PCYOX1: variants seen among roughly 807,000 people sequenced by gnomAD.
The protein encoded by PCYOX1 is prenylcysteine oxidase 1.
PCYOX1 carries 46 observed loss-of-function variants against 46.4 expected under a neutral mutation model. That is an observed-to-expected ratio of 0.99 (90% confidence interval 0.78 to 1.27). The LOEUF (loss-of-function observed/expected upper bound fraction) is 1.27, where lower values mean the gene tolerates loss of function less well. Among genes scored for constraint, PCYOX1 ranks in the 50% most tolerant of loss-of-function variants. The pLI, the probability that PCYOX1 is intolerant of heterozygous loss-of-function variation, is 0.00. For synonymous variants in PCYOX1, 220 were observed against 231.8 expected, an observed-to-expected ratio of 0.95 and a Z score of 0.46; for missense variants, 658 against 628.3, an observed-to-expected ratio of 1.05 and a Z score of -0.51.
chr2:70,258,264 C>A lies in PCYOX1; in HGVS notation c.100C>A (p.Pro34Thr). The A allele has an allele frequency of 6.3e-7, 1 of 1,587,354 alleles. No individual in the cohort carries two copies. The change falls in exon 1 of 6, where the codon CCA (proline) becomes ACA (threonine). Residue 34 changes from proline (P) to threonine (T), a missense_variant. Pro to Thr is a conservative substitution (Grantham distance 38, BLOSUM62 -1). Coordinates refer to ENST00000433351, the MANE Select transcript of PCYOX1 (RefSeq NM_016297.4). Reference protein sequence around the residue: ...CPEGAELRAPPDKIAIIGAGI... With the variant: ...CPEGAELRAPTDKIAIIGAGI... ...CGAGGGCGCCGAGCTGCGTGCTCCGCCAGATAAAATCGGTAGGCGAGAAGG... is the reference window on the plus strand; with the variant it reads ...CGAGGGCGCCGAGCTGCGTGCTCCGACAGATAAAATCGGTAGGCGAGAAGG...
rs376545059 is a variant in PCYOX1, at chr2:70,258,293, C to A, written c.112+17C>A. 245 of 1,537,506 alleles carry A rather than the reference C, an allele frequency of 1.6e-4. No individual in the cohort carries two copies. The highest frequency in any genetic ancestry group is 4.0e-4 in the Admixed American group (22 of 55,366). On this transcript the variant is annotated intron_variant, in intron 1 of 5. Coordinates refer to ENST00000433351, the MANE Select transcript of PCYOX1 (RefSeq NM_016297.4). ...ATAAAATCGGTAGGCGAGAAGGGGG[C>A]GGCGCGGGAAGGTGCTGGAGCGCGC... is the stretch of plus-strand genomic sequence containing the variant.
In PCYOX1 at chr2:70,279,314, ATTC is replaced by A. The variant is rs1374834050; in HGVS notation, c.*1925_*1927del. 1 of 152,190 alleles carries A rather than the reference ATTC, an allele frequency of 6.6e-6. No individual in the cohort carries two copies. Among genetic ancestry groups the A allele is most frequent in the Non-Finnish European group, 1.5e-5 (1 of 68,020 alleles). 9.4% of individuals were successfully genotyped at this position (152,190 alleles called of 1,614,324 possible). The stretch of plus-strand genomic sequence containing the variant: ...CAAAAGAGTGTTTTTTTCTAGTTTT[ATTC>A]TTAACAGATATGTTGAGGTATTCAT... On this transcript the variant is annotated 3_prime_UTR_variant, in exon 6 of 6. Coordinates refer to ENST00000433351, the MANE Select transcript of PCYOX1 (RefSeq NM_016297.4).
Position 70,277,611 on chromosome 2 carries a change from C to G in PCYOX1, c.*219C>G. On this transcript the variant is annotated 3_prime_UTR_variant, in exon 6 of 6. Transcript: ENST00000433351. ...CTCCAAAATTTCTTAAGTATTCTTTCACTATCCATTAGGAGTTTTTCTTAA... is the reference window on the plus strand; with the variant it reads ...CTCCAAAATTTCTTAAGTATTCTTTGACTATCCATTAGGAGTTTTTCTTAA... 2 of 465,968 alleles carry G rather than the reference C, an allele frequency of 4.3e-6. No homozygotes were observed. Among genetic ancestry groups the G allele is most frequent in the South Asian group, 3.8e-5 (1 of 26,242 alleles). 28.9% of individuals were successfully genotyped at this position (465,968 alleles called of 1,614,324 possible). A position where few individuals can be genotyped will look rare whatever the true frequency, so the allele number is the denominator to read the frequency against.
chr2:70,258,098 C>G (rs1573974803), upstream of PCYOX1: 1 of 1,313,906 alleles, frequency 7.6e-7, no homozygotes, highest in Admixed American at 2.2e-5. Flanking sequence ...CTGGGCGGAG[C>G]GCGCAGCCGC....
At chr2:70,262,924 T>A (rs1696461837) in intron 3 of PCYOX1, among the ~76,000 whole-genome samples, 1 of 152,068 alleles carries the variant, frequency 6.6e-6, no homozygotes, top group African/African-American at 2.4e-5. Context: ...TGACCAGGTA[T>A]TGAACAGGAC....
At position 70,275,604 on chromosome 2, in the gene PCYOX1, A is replaced by G. The variant is rs779617766; in HGVS notation, c.797A>G (p.Lys266Arg). The G allele has an allele frequency of 8.1e-6, 13 of 1,613,968 alleles. No homozygotes were observed. The highest frequency in any genetic ancestry group is 3.3e-4 in the Middle Eastern group (2 of 6,084). The change falls in exon 5 of 6, where the codon AAA becomes AGA. Residue 266 changes from lysine (K) to arginine (R), a missense_variant. Physicochemically the swap from Lys to Arg is conservative, Grantham distance 26 (BLOSUM62 2). Coordinates refer to ENST00000433351, the MANE Select transcript of PCYOX1 (RefSeq NM_016297.4). ...LVCSGLLQAS[K>R]SNLISGSVMY... The stretch of plus-strand genomic sequence containing the variant: ...TGCTCAGGGCTTCTGCAGGCATCCA[A>G]AAGCAATCTTATATCTGGCTCAGTA...
intron 5 of PCYOX1, among the ~76,000 whole-genome samples, chr2:70,276,174 ATCT>A (rs1310946608): frequency 2.5e-4 from 38 of 150,248 alleles, no homozygotes; most frequent in African/African-American, 9.0e-4. Context: ...TTGAAAAATA[ATCT>A]TTTTTTTTTT....
chr2:70,275,760 T>TA, intron 5 of PCYOX1, 94 bp downstream of exon 5: 1 of 1,183,998 alleles, frequency 8.4e-7, no homozygotes, highest in Non-Finnish European at 1.2e-6. Flanking sequence ...TACTCAGTTC[T>TA]AAAATGATGA....
At chr2:70,266,776 T>C (rs1696529159) in intron 3 of PCYOX1, among the ~76,000 whole-genome samples, 1 of 152,030 alleles carries the variant, frequency 6.6e-6, no homozygotes, top group Non-Finnish European at 1.5e-5. Flanking sequence ...GAGCATGGGG[T>C]TGGGGGTAAG....
At chr2:70,261,932 AG>A (rs1346929950) in intron 3 of PCYOX1, among the ~76,000 whole-genome samples, 1 of 152,216 alleles carries the variant, frequency 6.6e-6, no homozygotes, top group Non-Finnish European at 1.5e-5. Flanking sequence ...AGCAGCCTGA[AG>A]TAGAGTAAAA....
intron 4 of PCYOX1, 139 bp from the exon 5 acceptor site, chr2:70,275,375 G>T: frequency 1.1e-6 from 1 of 902,276 alleles, no homozygotes; most frequent in Non-Finnish European, 1.7e-6. Context: ...ATTCTTAACT[G>T]GGGGAGATTT....
In PCYOX1 at chr2:70,279,145, A is replaced by G. The variant is rs1346819051; in HGVS notation, c.*1753A>G. On this transcript the variant is annotated 3_prime_UTR_variant, in exon 6 of 6. Transcript: ENST00000433351. ...AAACTTCAAAGTCCTTCATCAGATC[A>G]TGGCATTAGCTACTTTAGCAAAATA... 2 of 152,156 alleles carry G rather than the reference A, an allele frequency of 1.3e-5. No individual in the cohort carries two copies. Among genetic ancestry groups the G allele is most frequent in the African/African-American group, 4.8e-5 (2 of 41,446 alleles). The allele number at this position is 152,156 out of a possible 1,614,324, so 9.4% of individuals were successfully genotyped here. A position where few individuals can be genotyped will look rare whatever the true frequency, so the allele number is the denominator to read the frequency against.
At chr2:70,275,462 G>C in intron 4 of PCYOX1, 52 bp from the exon 5 acceptor site, 1 of 1,566,868 alleles carries the variant, frequency 6.4e-7, no homozygotes, top group South Asian at 1.1e-5. Context: ...AGTGGGTAGA[G>C]AGCCTCTTAC....
chr2:70,268,660 G>T (rs1696561124), intron 3 of PCYOX1, among the ~76,000 whole-genome samples: 1 of 151,944 alleles, frequency 6.6e-6, no homozygotes, highest in African/African-American at 2.4e-5. Flanking sequence ...TTAGCTGGGC[G>T]TGGTGGTGCA....
rs1696646043 is a variant in PCYOX1 at position 70,274,739 on chromosome 2, T to C, written c.495-220T>C. Reference sequence around the variant, plus strand: ...CCACTATGCCTGGTTAATTTTTGTATTTTTAGTAAAGCTGGGGTTTTGCCA... The same window carrying C: ...CCACTATGCCTGGTTAATTTTTGTACTTTTAGTAAAGCTGGGGTTTTGCCA... On this transcript the variant is annotated intron_variant, in intron 3 of 5. Coordinates refer to ENST00000433351, the MANE Select transcript of PCYOX1 (RefSeq NM_016297.4). The C allele has an allele frequency of 4.3e-5, 22 of 510,236 alleles. No homozygotes were observed. The South Asian group carries it at 4.6e-4, about 11-fold the overall frequency. The allele number at this position is 510,236 out of a possible 1,614,324, so 31.6% of individuals were successfully genotyped here.
chr2:70,270,396 A>T (rs1175202487), intron 3 of PCYOX1, among the ~76,000 whole-genome samples: 1 of 152,182 alleles, frequency 6.6e-6, no homozygotes, highest in East Asian at 1.9e-4. Flanking sequence ...CAGTATTCTC[A>T]TAGCTTTTAT....
At chr2:70,268,284 C>G (rs548698068) in intron 3 of PCYOX1, among the ~76,000 whole-genome samples, 1 of 152,242 alleles carries the variant, frequency 6.6e-6, no homozygotes, top group East Asian at 1.9e-4. Flanking sequence ...ACTCCACTAA[C>G]TCAGAAACCT....
chr2:70,275,253 G>A, intron 4 of PCYOX1, 83 bp downstream of exon 4: 1 of 1,179,078 alleles, frequency 8.5e-7, no homozygotes, highest in Non-Finnish European at 1.3e-6. Flanking sequence ...ACTTTAGGCT[G>A]TGGATTGGAG....
chr2:70,267,466 C>T (rs1160938637), intron 3 of PCYOX1, among the ~76,000 whole-genome samples: 4 of 152,012 alleles, frequency 2.6e-5, no homozygotes, highest in South Asian at 2.1e-4. Flanking sequence ...TGTAGCGAGC[C>T]GAGATCACGC....
Sources: gnomAD v4.1 joint callset for allele counts (sites outside exome capture counted in the v4.1 genomes callset) on GRCh38, gnomAD v4.1.1 for gene constraint, MANE v1.5 for transcripts, NCBI Gene and HGNC (gene_info 2026-07-23, HGNC 2026-07-21) for gene names.